The following DMD variants were observed in gnomAD, a reference collection of about 807,000 sequenced individuals.
DMD encodes the protein mutant dystrophin.
DMD carries 63 observed loss-of-function variants against 330.1 expected under a neutral mutation model. That is an observed-to-expected ratio of 0.19 (90% confidence interval 0.16 to 0.24). DMD has a LOEUF of 0.24. DMD is among the 10% of genes least tolerant of loss of function. The pLI, the probability that DMD is intolerant of heterozygous loss-of-function variation, is 1.00. For missense variants in DMD, 3,344 were observed against 2,684.1 expected (o/e 1.25, Z -5.43); for synonymous variants, 1,223 against 959.8 (o/e 1.27, Z -5.07).
intron 63 of DMD, among the ~76,000 whole-genome samples, chrX:31,249,264 C>G (rs1196065685): frequency 9.0e-6 from 1 of 111,532 alleles, no homozygotes; most frequent in Non-Finnish European, 1.9e-5. Context: ...TTTTTTGAGA[C>G]AGAGTCTCAC....
At chrX:32,112,268 G>T (rs889446366) in intron 44 of DMD, among the ~76,000 whole-genome samples, 7 of 111,866 alleles carry the variant, frequency 6.3e-5, no homozygotes, top group African/African-American at 2.3e-4. Context: ...AATACAGGCT[G>T]CTCATCTCCA....
At chrX:32,806,415 A>C (rs1426997305) in intron 7 of DMD, among the ~76,000 whole-genome samples, 1 of 111,916 alleles carries the variant, frequency 8.9e-6, no homozygotes, top group Non-Finnish European at 1.9e-5. Context: ...CTAAATATAT[A>C]TGCACCCAAT....
intron 55 of DMD, among the ~76,000 whole-genome samples, chrX:31,553,160 A>G (rs1569551024): frequency 8.9e-6 from 1 of 111,945 alleles, no homozygotes; most frequent in Non-Finnish European, 1.9e-5. Flanking sequence ...GATGGGGCCC[A>G]GCCAGCTACG....
intron 11 of DMD, among the ~76,000 whole-genome samples, chrX:32,615,251 A>G (rs893381810): frequency 1.8e-5 from 2 of 111,495 alleles, no homozygotes; most frequent in Non-Finnish European, 3.8e-5. Context: ...AGACTAGAGA[A>G]AGGGTGCTTT....
At chrX:31,149,054 G>A (rs1478565547) in intron 74 of DMD, among the ~76,000 whole-genome samples, 3 of 111,879 alleles carry the variant, frequency 2.7e-5, no homozygotes, top group South Asian at 3.7e-4. Flanking sequence ...TTTTGTTCAC[G>A]AAAATCTTTT....
At chrX:32,525,997 A>C (rs1475290055) in intron 17 of DMD, among the ~76,000 whole-genome samples, 1 of 111,634 alleles carries the variant, frequency 9.0e-6, no homozygotes, top group African/African-American at 3.3e-5. Flanking sequence ...CTCACATAAA[A>C]CCATTGCTAA....
intron 61 of DMD, among the ~76,000 whole-genome samples, chrX:31,328,777 C>G (rs1362717354): frequency 8.9e-6 from 1 of 112,125 alleles, no homozygotes; most frequent in Non-Finnish European, 1.9e-5. Flanking sequence ...AATCACCACA[C>G]AAATAATGTT....
chrX:31,834,130 C>T (rs781591663), intron 49 of DMD, among the ~76,000 whole-genome samples: 41 of 111,363 alleles, frequency 3.7e-4, no homozygotes, highest in African/African-American at 1.3e-3. Flanking sequence ...TTTAAAAAGG[C>T]TTTGTTCACG....
intron 52 of DMD, among the ~76,000 whole-genome samples, chrX:31,719,376 C>T (rs763318163): frequency 8.9e-6 from 1 of 112,241 alleles, no homozygotes; most frequent in East Asian, 2.8e-4. Flanking sequence ...CAATTGCTTT[C>T]ATCACCATTG....
chrX:32,355,539 G>T (rs1433680842), intron 37 of DMD, among the ~76,000 whole-genome samples: 1 of 111,650 alleles, frequency 9.0e-6, no homozygotes, highest in Non-Finnish European at 1.9e-5. Flanking sequence ...AAATGACACT[G>T]CTCACCAAAC....
intron 44 of DMD, among the ~76,000 whole-genome samples, chrX:32,015,741 A>G (rs1475429610): frequency 8.9e-6 from 1 of 111,955 alleles, no homozygotes; most frequent in African/African-American, 3.2e-5. Context: ...CAAAGGACAT[A>G]TATATTCTCC....
intron 2 of DMD, among the ~76,000 whole-genome samples, chrX:33,008,241 T>G (rs2093435591): frequency 9.0e-6 from 1 of 111,678 alleles, no homozygotes; most frequent in Non-Finnish European, 1.9e-5. Context: ...AACCATACTC[T>G]GCCTTTTATG....
intron 2 of DMD, among the ~76,000 whole-genome samples, chrX:33,017,365 G>A (rs1384541432): frequency 1.2e-5 from 1 of 86,513 alleles, no homozygotes; most frequent in East Asian, 3.5e-4. Context: ...CTGTCTGTGT[G>A]GTAAAGTAGA....
chrX:32,828,606 T>G, intron 4 of DMD, among the ~76,000 whole-genome samples: 1 of 109,985 alleles, frequency 9.1e-6, no homozygotes, highest in East Asian at 2.9e-4. Context: ...CATATATACA[T>G]ATGTATACAT....
intron 41 of DMD, among the ~76,000 whole-genome samples, chrX:32,335,027 A>G (rs1223929770): frequency 1.8e-5 from 2 of 111,265 alleles, no homozygotes; most frequent in Non-Finnish European, 3.8e-5. Flanking sequence ...AATTTTTCTT[A>G]CAGTAAAATG....
At chrX:31,798,365 A>G (rs2091921051) in intron 50 of DMD, among the ~76,000 whole-genome samples, 2 of 110,867 alleles carry the variant, frequency 1.8e-5, no homozygotes, top group Non-Finnish European at 3.8e-5. Context: ...CATCAAAATC[A>G]ATGAAAAGTG....
At chrX:32,593,238 T>C (rs1037428627) in intron 13 of DMD, among the ~76,000 whole-genome samples, 2 of 112,554 alleles carry the variant, frequency 1.8e-5, no homozygotes, top group African/African-American at 6.5e-5. Context: ...TTTATCCATT[T>C]TCCTCCAATG....
At chrX:31,169,668 A>T (rs2039793957) in intron 73 of DMD, 67 bp from the exon 74 acceptor site, 1 of 988,791 alleles carries the variant, frequency 1.0e-6, no homozygotes, top group African/African-American at 1.9e-5. Context: ...TTAGGGACTC[A>T]GGAGTGTATT....
At chrX:33,184,019 T>C (rs987236606) in intron 1 of DMD, among the ~76,000 whole-genome samples, 10 of 111,446 alleles carry the variant, frequency 9.0e-5, no homozygotes, top group African/African-American at 3.3e-4. Flanking sequence ...TGTGTTTTGA[T>C]AGTTAAAAGG....
Sources: gnomAD v4.1 joint callset for allele counts (sites outside exome capture counted in the v4.1 genomes callset) on GRCh38, gnomAD v4.1.1 for gene constraint, MANE v1.5 for transcripts, NCBI Gene and HGNC (gene_info 2026-07-23, HGNC 2026-07-21) for gene names.